The following ERC2 variants were observed in gnomAD, a reference collection of about 807,000 sequenced individuals.
The protein encoded by ERC2 is ERC protein 2.
A neutral mutation model predicts 114.8 loss-of-function variants in ERC2; 42 were observed. The ratio of observed to expected loss-of-function variants is 0.37; its 90% CI spans 0.29 to 0.47. The LOEUF (loss-of-function observed/expected upper bound fraction) is 0.47. Ranked by LOEUF, ERC2 falls within the 20% of genes least tolerant of loss-of-function variation. ERC2 has a pLI of 0.99. For synonymous variants in ERC2, 454 were observed against 425.5 expected (o/e 1.07, Z -0.82); for missense variants, 939 against 1,150.7 (o/e 0.82, Z 2.66).
intron 13 of ERC2, among the ~76,000 whole-genome samples, chr3:55,935,634 C>T (rs2149411981): frequency 6.6e-6 from 1 of 152,330 alleles, no homozygotes; most frequent in Admixed American, 6.5e-5. Flanking sequence ...TGAGAACCTG[C>T]TGGCTCATTT....
intron 17 of ERC2, among the ~76,000 whole-genome samples, chr3:55,660,232 C>A (rs2061065386): frequency 1.3e-5 from 2 of 152,180 alleles, no homozygotes; most frequent in Non-Finnish European, 2.9e-5. Context: ...CCCGCACCCC[C>A]ACCTCCAGAT....
intron 1 of ERC2, among the ~76,000 whole-genome samples, chr3:56,449,974 C>A (rs191134334): frequency 7.4e-4 from 112 of 152,348 alleles, no homozygotes; most frequent in African/African-American, 2.6e-3. Context: ...CCCCAGTTCT[C>A]TAAAACTAGA....
intron 7 of ERC2, among the ~76,000 whole-genome samples, chr3:56,029,989 TC>T (rs1553780276): frequency 6.6e-6 from 1 of 152,172 alleles, no homozygotes; most frequent in Non-Finnish European, 1.5e-5. Flanking sequence ...TCTAGCTGCA[TC>T]CCACACATTT....
intron 2 of ERC2, among the ~76,000 whole-genome samples, chr3:56,411,051 GA>G (rs61081379): frequency 0.011 from 900 of 82,130 alleles, 7 homozygotes; most frequent in African/African-American, 0.031. Flanking sequence ...AATTATCTCA[GA>G]AAAAAAAAAA....
intron 6 of ERC2, among the ~76,000 whole-genome samples, chr3:56,092,034 A>G (rs2149787113): frequency 6.6e-6 from 1 of 152,322 alleles, no homozygotes; most frequent in African/African-American, 2.4e-5. Context: ...TTGTATAATA[A>G]AGTGCTTCAT....
chr3:55,599,862 G>C (rs1222192292), intron 17 of ERC2, among the ~76,000 whole-genome samples: 1 of 152,180 alleles, frequency 6.6e-6, no homozygotes, highest in Non-Finnish European at 1.5e-5. Context: ...GAAGATCCAA[G>C]TTCTACTTTC....
intron 2 of ERC2, among the ~76,000 whole-genome samples, chr3:56,386,319 C>T (rs989213115): frequency 6.6e-6 from 1 of 152,106 alleles, no homozygotes; most frequent in Non-Finnish European, 1.5e-5. Flanking sequence ...CACAGTGAAA[C>T]ACTCCAAGCA....
At chr3:56,450,837 A>C (rs997915849) in intron 1 of ERC2, among the ~76,000 whole-genome samples, 2 of 152,238 alleles carry the variant, frequency 1.3e-5, no homozygotes, top group African/African-American at 4.8e-5. Context: ...TCTCTAAAAA[A>C]ATAAATAAAT....
At chr3:55,660,967 A>C (rs553475111) in intron 17 of ERC2, among the ~76,000 whole-genome samples, 3 of 152,146 alleles carry the variant, frequency 2.0e-5, no homozygotes, top group Non-Finnish European at 4.4e-5. Context: ...TAGAAAATGC[A>C]AGCTGGTCTT....
chr3:55,599,484 A>G (rs1178023450), intron 17 of ERC2, among the ~76,000 whole-genome samples: 1 of 152,248 alleles, frequency 6.6e-6, no homozygotes, highest in African/African-American at 2.4e-5. Context: ...ACATGTATTT[A>G]TGAGGCATTC....
At chr3:55,522,286 C>T (rs2053011648) in intron 17 of ERC2, among the ~76,000 whole-genome samples, 1 of 152,100 alleles carries the variant, frequency 6.6e-6, no homozygotes, top group Non-Finnish European at 1.5e-5. Flanking sequence ...GGCCTTTTAA[C>T]GATATGCTGC....
At chr3:56,051,519 T>G (rs902515484) in intron 7 of ERC2, among the ~76,000 whole-genome samples, 1 of 152,174 alleles carries the variant, frequency 6.6e-6, no homozygotes, top group East Asian at 1.9e-4. Flanking sequence ...TCAGTGTTTC[T>G]TTAAATCATC....
At chr3:56,448,299 G>A (rs543307571) in intron 1 of ERC2, among the ~76,000 whole-genome samples, 1 of 152,334 alleles carries the variant, frequency 6.6e-6, no homozygotes, top group South Asian at 2.1e-4. Flanking sequence ...CCCATGGCAA[G>A]AGTACAAATG....
intron 6 of ERC2, among the ~76,000 whole-genome samples, chr3:56,097,589 A>G (rs112954043): frequency 3.9e-5 from 6 of 152,332 alleles, no homozygotes; most frequent in African/African-American, 1.4e-4. Context: ...CTTTGTTCAT[A>G]GTCCTACAAT....
At chr3:55,917,501 G>A (rs1186309754) in intron 13 of ERC2, among the ~76,000 whole-genome samples, 1 of 152,068 alleles carries the variant, frequency 6.6e-6, no homozygotes, top group Non-Finnish European at 1.5e-5. Flanking sequence ...AAAGGCCATA[G>A]GCTATATGAT....
At chr3:55,559,555 C>G (rs1297036064) in intron 17 of ERC2, among the ~76,000 whole-genome samples, 1 of 152,236 alleles carries the variant, frequency 6.6e-6, no homozygotes, top group Non-Finnish European at 1.5e-5. Flanking sequence ...CCCCAAGAGA[C>G]CTGGCCCATG....
chr3:55,967,726 T>A (rs1292676003), intron 12 of ERC2, among the ~76,000 whole-genome samples: 1 of 152,170 alleles, frequency 6.6e-6, no homozygotes, highest in Non-Finnish European at 1.5e-5. Context: ...GGGGGCCTAA[T>A]GGGAGGTGTT....
chr3:55,523,396 G>T (rs1015237721), intron 17 of ERC2, among the ~76,000 whole-genome samples: 1 of 152,234 alleles, frequency 6.6e-6, no homozygotes, highest in Non-Finnish European at 1.5e-5. Context: ...TCTTCCTTCA[G>T]AGCTTTTGCA....
chr3:55,950,286 T>G, intron 13 of ERC2, 139 bp downstream of exon 13: 1 of 1,011,044 alleles, frequency 9.9e-7, no homozygotes, highest in South Asian at 1.8e-5. Flanking sequence ...AAAGACCTAC[T>G]GGGTTCCCTG....
Sources: gnomAD v4.1 joint callset for allele counts (sites outside exome capture counted in the v4.1 genomes callset) on GRCh38, gnomAD v4.1.1 for gene constraint, MANE v1.5 for transcripts, NCBI Gene and HGNC (gene_info 2026-07-23, HGNC 2026-07-21) for gene names.